Variants in TMEM117 observed in about 807,000 individuals in gnomAD.
TMEM117 encodes the protein transmembrane protein 117.
TMEM117 carries 27 observed loss-of-function variants against 52.4 expected under a neutral mutation model. The observed-to-expected ratio is 0.51, with a 90% CI of 0.38 to 0.71. TMEM117 has a LOEUF of 0.71. Ranked by LOEUF, TMEM117 falls within the 30% of genes least tolerant of loss-of-function variation. The pLI is 0.00. For synonymous variants in TMEM117, 215 were observed against 206.3 expected (o/e 1.04, Z -0.36); for missense variants, 556 against 630.5 (o/e 0.88, Z 1.26).
rs565132260 is a variant in TMEM117 at position 44,200,155 on chromosome 12, A to T, written c.511-11135A>T. On this transcript the variant is annotated intron_variant, in intron 4 of 7. Transcript: ENST00000266534. ...AAACAAACAAACAAACAAAAAACAAAATAGAAACAAAAAAACCCCTTAGCA... is the reference window on the plus strand; with the variant it reads ...AAACAAACAAACAAACAAAAAACAATATAGAAACAAAAAAACCCCTTAGCA... Among the ~76,000 whole-genome samples the T allele has an allele frequency of 4.6e-5, 7 of 152,174 alleles. No homozygotes were observed. The South Asian group carries it at 1.5e-3, about 32-fold the overall frequency.
At chr12:43,900,834 A>C (rs564628806) in intron 2 of TMEM117, among the ~76,000 whole-genome samples, 2 of 152,150 alleles carry the variant, frequency 1.3e-5, no homozygotes, top group African/African-American at 4.8e-5. Context: ...ACAGAGAGAG[A>C]GAGAGGAAGG....
chr12:44,215,507 G>C (rs1429755182), intron 5 of TMEM117, among the ~76,000 whole-genome samples: 1 of 152,134 alleles, frequency 6.6e-6, no homozygotes, highest in Non-Finnish European at 1.5e-5. Flanking sequence ...GAATCTAAAT[G>C]CTATATGAAT....
intron 4 of TMEM117, among the ~76,000 whole-genome samples, chr12:44,150,288 G>T (rs934922991): frequency 1.3e-5 from 2 of 152,024 alleles, no homozygotes; most frequent in Admixed American, 1.3e-4. Flanking sequence ...AAGTACTCTT[G>T]GGGAATCTGT....
intron 2 of TMEM117, among the ~76,000 whole-genome samples, chr12:43,869,240 CT>C (rs71662099): frequency 0.1 from 15,413 of 152,068 alleles, 2,354 homozygotes; most frequent in African/African-American, 0.33. Flanking sequence ...AAATGGTTCC[CT>C]TTTTTTGTGC....
At chr12:43,903,003 G>A (rs1424115641) in intron 2 of TMEM117, among the ~76,000 whole-genome samples, 1 of 152,044 alleles carries the variant, frequency 6.6e-6, no homozygotes, top group Non-Finnish European at 1.5e-5. Flanking sequence ...AAACTCATGA[G>A]GTATTGATGG....
chr12:44,063,134 A>G lies in TMEM117; in HGVS notation c.411-80391A>G, dbSNP rs554595818. Among the ~76,000 whole-genome samples, 12 of 152,302 alleles carry G rather than the reference A, an allele frequency of 7.9e-5. 1 individual carries two copies. In the South Asian group the frequency reaches 2.5e-3, roughly 32 times the overall value. ...GACTGCTCAGAGACGTAGAGACACC[A>G]AGACTGAAAATCCTATCTCCCAAGA... On this transcript the variant is annotated intron_variant, in intron 3 of 7. Coordinates refer to ENST00000266534, the MANE Select transcript of TMEM117 (RefSeq NM_032256.3).
chr12:43,802,506 G>A, the TMEM117 span: 2 of 1,416,470 alleles, frequency 1.4e-6, no homozygotes, highest in Non-Finnish European at 2.0e-6. Flanking sequence ...AATGGTTTGA[G>A]ATATCAAGTG....
intron 2 of TMEM117, among the ~76,000 whole-genome samples, chr12:43,870,385 G>T (rs776825184): frequency 1.3e-5 from 2 of 150,734 alleles, no homozygotes; most frequent in African/African-American, 4.9e-5. Context: ...TCAGCCTCCC[G>T]AGTAGCTGGG....
intron 3 of TMEM117, among the ~76,000 whole-genome samples, chr12:43,955,827 C>T (rs117411285): frequency 4.1e-4 from 62 of 152,220 alleles, no homozygotes; most frequent in Non-Finnish European, 6.8e-4. Context: ...GCTCGCATAG[C>T]TAAAGTGACA....
chr12:44,053,837 G>A (rs908740654), intron 3 of TMEM117, among the ~76,000 whole-genome samples: 12 of 152,150 alleles, frequency 7.9e-5, no homozygotes, highest in Non-Finnish European at 1.8e-4. Flanking sequence ...ACCTATCCAA[G>A]GGCCTTAGTC....
At chr12:44,203,654 G>A (rs188787456) in intron 4 of TMEM117, among the ~76,000 whole-genome samples, 30 of 152,196 alleles carry the variant, frequency 2.0e-4, no homozygotes, top group Non-Finnish European at 2.9e-4. Context: ...CTCTTTCTTT[G>A]TCTTCATTTG....
At chr12:44,027,132 A>ATATTTTATTTTATTTTATTTTAGTT (rs1946548767) in intron 3 of TMEM117, among the ~76,000 whole-genome samples, 9 of 104,094 alleles carry the variant, frequency 8.6e-5, no homozygotes, top group African/African-American at 3.9e-4. Flanking sequence ...ATTTTATTTT[A>ATATTTTATTTTATTTTATTTTAGTT]TATTTTATTT....
At chr12:44,328,476 A>G (rs949605847) in intron 6 of TMEM117, among the ~76,000 whole-genome samples, 1 of 152,174 alleles carries the variant, frequency 6.6e-6, no homozygotes, top group Non-Finnish European at 1.5e-5. Context: ...AAATAACTCT[A>G]CAAGAAAACT....
chr12:44,256,448 A>G (rs555140946), intron 5 of TMEM117, among the ~76,000 whole-genome samples: 1 of 152,082 alleles, frequency 6.6e-6, no homozygotes, highest in Admixed American at 6.6e-5. Flanking sequence ...ATTCCATTTC[A>G]GGTTTCATCT....
At chr12:44,009,280 G>T (rs189074062) in intron 3 of TMEM117, 1 of 273,048 alleles carries the variant, frequency 3.7e-6, no homozygotes, top group Admixed American at 5.8e-5. Flanking sequence ...TGCAGAAACC[G>T]ATACAGGATG....
At chr12:43,947,780 A>G (rs963486416) in intron 3 of TMEM117, among the ~76,000 whole-genome samples, 7 of 152,216 alleles carry the variant, frequency 4.6e-5, no homozygotes, top group Non-Finnish European at 8.8e-5. Flanking sequence ...AGAATATCCT[A>G]TGATGGCTAG....
At chr12:43,889,670 A>T (rs1467114018) in intron 2 of TMEM117, among the ~76,000 whole-genome samples, 2 of 152,198 alleles carry the variant, frequency 1.3e-5, no homozygotes, top group Non-Finnish European at 2.9e-5. Context: ...TTACTTTCTA[A>T]TGTCGCATTT....
chr12:43,888,203 G>A (rs1463353767), intron 2 of TMEM117, among the ~76,000 whole-genome samples: 4 of 152,128 alleles, frequency 2.6e-5, no homozygotes, highest in African/African-American at 9.7e-5. Context: ...CTACCTCACA[G>A]TATTGTTTCA....
At chr12:43,882,280 T>C (rs1943911585) in intron 2 of TMEM117, among the ~76,000 whole-genome samples, 1 of 151,514 alleles carries the variant, frequency 6.6e-6, no homozygotes, top group African/African-American at 2.4e-5. Context: ...GCCGACATGG[T>C]GAAACCACGT....
Sources: gnomAD v4.1 joint callset for allele counts (sites outside exome capture counted in the v4.1 genomes callset) on GRCh38, gnomAD v4.1.1 for gene constraint, MANE v1.5 for transcripts, NCBI Gene and HGNC (gene_info 2026-07-23, HGNC 2026-07-21) for gene names.